The following ZBTB37 variants were observed in gnomAD, a reference collection of about 807,000 sequenced individuals.
ZBTB37 encodes zinc finger and BTB domain containing 37, also known as zinc finger and BTB domain-containing protein 37.
ZBTB37 carries 15 observed loss-of-function variants against 37.7 expected under a neutral mutation model. The ratio of observed to expected loss-of-function variants is 0.40; its 90% CI spans 0.27 to 0.61. The LOEUF is 0.61. Ranked by LOEUF, ZBTB37 falls within the 20% of genes least tolerant of loss-of-function variation. The probability of loss-of-function intolerance (pLI) is 0.44; values close to 1 mark genes in which losing one functional copy is unlikely to be tolerated. For synonymous variants in ZBTB37, 231 were observed against 220.6 expected, an observed-to-expected ratio of 1.05 and a Z score of -0.42; for missense variants, 514 against 641.9, an observed-to-expected ratio of 0.80 and a Z score of 2.15.
intron 2 of ZBTB37, 49 bp from the exon 3 acceptor site, chr1:173,870,151 G>A: frequency 7.9e-7 from 1 of 1,269,482 alleles, no homozygotes; most frequent in Non-Finnish European, 1.1e-6. Flanking sequence ...AACCATCCGG[G>A]AAGTAAAATT....
exon 4 of ZBTB37, chr1:173,902,668 AT>A (rs1657311478): frequency 6.6e-6 from 1 of 152,162 alleles, no homozygotes; most frequent in South Asian, 2.1e-4. Flanking sequence ...TTTAATCATT[AT>A]CACTTAAGTG....
chr1:173,901,077 C>G (rs1238241596), exon 4 of ZBTB37: 1 of 152,206 alleles, frequency 6.6e-6, no homozygotes, highest in Non-Finnish European at 1.5e-5. Context: ...AATTCCCTGT[C>G]AGCACTGTGA....
chr1:173,875,330 A>ATATTTT (rs1399968929), intron 4 of ZBTB37, among the ~76,000 whole-genome samples: 16 of 122,472 alleles, frequency 1.3e-4, no homozygotes, highest in African/African-American at 5.9e-4. Flanking sequence ...ATATATATAT[A>ATATTTT]TTTTTTTTTT....
chr1:173,902,365 T>C (rs1358114824), exon 4 of ZBTB37: 5 of 152,248 alleles, frequency 3.3e-5, no homozygotes, highest in Non-Finnish European at 7.3e-5. Context: ...TCTAAAATGT[T>C]ATCCCTGAAA....
chr1:173,871,181 A>G, intron 3 of ZBTB37, 33 bp downstream of exon 3: 1 of 1,539,630 alleles, frequency 6.5e-7, no homozygotes. Flanking sequence ...TTCCCATGTA[A>G]TGGCTATTGT....
intron 4 of ZBTB37, among the ~76,000 whole-genome samples, chr1:173,880,387 C>T (rs906319147): frequency 2.6e-5 from 4 of 152,098 alleles, no homozygotes; most frequent in African/African-American, 7.2e-5. Flanking sequence ...TTTGGGTCTG[C>T]GGTTAGTAAC....
At chr1:173,882,046 T>A (rs1269859929) in intron 4 of ZBTB37, among the ~76,000 whole-genome samples, 2 of 151,168 alleles carry the variant, frequency 1.3e-5, no homozygotes, top group Admixed American at 6.6e-5. Flanking sequence ...AGAGGAAGAC[T>A]CTGTCTCAAA....
chr1:173,870,362 A>G, exon 3 of ZBTB37: 1 of 1,614,204 alleles, frequency 6.2e-7, no homozygotes, highest in African/African-American at 1.3e-5. Context: ...TTTCGGGCTC[A>G]CAAAGTGGTG....
At chr1:173,884,491 G>A (rs905630453) in intron 4 of ZBTB37, among the ~76,000 whole-genome samples, 2 of 152,010 alleles carry the variant, frequency 1.3e-5, no homozygotes, top group Admixed American at 6.6e-5. Context: ...TTTATTGAAA[G>A]GAATATGTTC....
At chr1:173,885,804 A>T in exon 5 of ZBTB37, 1 of 1,551,716 alleles carries the variant, frequency 6.4e-7, no homozygotes, top group Non-Finnish European at 8.7e-7. Flanking sequence ...ACACATGGGG[A>T]TCACACCATT....
exon 4 of ZBTB37, chr1:173,895,265 G>A (rs1657001278): frequency 6.6e-6 from 1 of 152,034 alleles, no homozygotes; most frequent in African/African-American, 2.4e-5. Flanking sequence ...CACTACACCT[G>A]GCTAATTTTT....
intron 4 of ZBTB37, among the ~76,000 whole-genome samples, chr1:173,885,111 G>A (rs1656550424): frequency 1.3e-5 from 2 of 152,258 alleles, no homozygotes; most frequent in Non-Finnish European, 2.9e-5. Flanking sequence ...GTGCGTGCTG[G>A]TGGTCCCAGC....
intron 4 of ZBTB37, among the ~76,000 whole-genome samples, chr1:173,877,293 G>A (rs1338808505): frequency 6.6e-6 from 1 of 151,088 alleles, no homozygotes; most frequent in Non-Finnish European, 1.5e-5. Context: ...TAATAGTGTT[G>A]TGGGACTAGG....
intron 4 of ZBTB37, among the ~76,000 whole-genome samples, chr1:173,880,500 A>G (rs1656234805): frequency 6.6e-6 from 1 of 152,216 alleles, no homozygotes; most frequent in Non-Finnish European, 1.5e-5. Context: ...GAGTTTTCAT[A>G]TAAATTATAT....
exon 3 of ZBTB37, chr1:173,870,218 G>A: frequency 1.3e-6 from 2 of 1,599,674 alleles, no homozygotes; most frequent in Non-Finnish European, 1.7e-6. Context: ...GCACCCTCAG[G>A]CACGACCATG....
rs546483035 is a variant in ZBTB37, at chr1:173,869,929, A to G, written c.-29-268A>G. On this transcript the variant is annotated intron_variant, in intron 2 of 4. Coordinates refer to ENST00000427304, the Ensembl canonical transcript of ZBTB37. ...TGTTGAACTTCTGTTTTGATGTTATATAACTTATTAGTAAGGAAAGCATGG... is the reference window on the plus strand; with the variant it reads ...TGTTGAACTTCTGTTTTGATGTTATGTAACTTATTAGTAAGGAAAGCATGG... Among the ~76,000 whole-genome samples the G allele has an allele frequency of 5.9e-5, 9 of 152,326 alleles. 1 individual carries two copies. The South Asian group carries it at 1.7e-3, about 28-fold the overall frequency.
intron 3 of ZBTB37, among the ~76,000 whole-genome samples, chr1:173,871,668 G>A (rs1655572932): frequency 6.6e-6 from 1 of 152,172 alleles, no homozygotes; most frequent in Non-Finnish European, 1.5e-5. Flanking sequence ...AAGCGTTATG[G>A]ATATTTTTCA....
chr1:173,876,373 A>G (rs1236601587), intron 4 of ZBTB37, among the ~76,000 whole-genome samples: 1 of 151,980 alleles, frequency 6.6e-6, no homozygotes, highest in Non-Finnish European at 1.5e-5. Flanking sequence ...GCTGGAGTGC[A>G]GTGGCGCAGC....
At chr1:173,895,731 T>C (rs900517024) in exon 4 of ZBTB37, 4 of 152,238 alleles carry the variant, frequency 2.6e-5, no homozygotes, top group Non-Finnish European at 5.9e-5. Flanking sequence ...TGGCAGTTGT[T>C]ACCAGCCTCT....
Sources: allele counts gnomAD v4.1 joint callset (sites outside exome capture counted in the v4.1 genomes callset), GRCh38; gene constraint gnomAD v4.1.1; transcripts MANE v1.5; gene names NCBI Gene and HGNC (gene_info 2026-07-23, HGNC 2026-07-21).